The following LMNB1 variants were observed in gnomAD, a reference collection of about 807,000 sequenced individuals.
LMNB1 encodes lamin B1, also known as lamin-B1.
Under a neutral mutation model 67.1 loss-of-function variants are expected in LMNB1, and 23 were observed. The observed-to-expected ratio is 0.34, with a 90% CI of 0.25 to 0.49. The LOEUF (loss-of-function observed/expected upper bound fraction) is 0.49. LMNB1 is among the 20% of genes least tolerant of loss of function. The probability of loss-of-function intolerance (pLI) is 0.99; values close to 1 mark genes in which losing one functional copy is unlikely to be tolerated. For missense variants in LMNB1, 634 were observed against 746.5 expected (o/e 0.85, Z 1.76); for synonymous variants, 281 against 282.9 (o/e 0.99, Z 0.07).
rs752278106 is a variant in LMNB1 at position 126,821,141 on chromosome 5, A to G, written c.1386+6A>G. 1.3e-6 allele frequency: 2 copies of G among 1,578,560 alleles called. No homozygotes were observed. Among genetic ancestry groups the G allele is most frequent in the Middle Eastern group, 1.7e-4 (1 of 6,032 alleles). On this transcript the variant is annotated splice_donor_region_variant and intron_variant, in intron 7 of 10. Transcript: ENST00000261366. The stretch of plus-strand genomic sequence containing the variant: ...TGAAGAACACTTCTGAACAGGTAAT[A>G]AAATAGACCCTTTTTTTTCTAGCAA...
intron 1 of LMNB1, among the ~76,000 whole-genome samples, chr5:126,791,448 A>G (rs995640797): frequency 2.6e-5 from 4 of 151,922 alleles, no homozygotes; most frequent in African/African-American, 9.7e-5. Context: ...AATTTCTAAT[A>G]GCTTCTTTTT....
rs751580005 is a variant in LMNB1, at chr5:126,819,002, A to G, written c.1020A>G (p.Thr340=). 6.2e-7 allele frequency: 1 copy of G among 1,614,184 alleles called. No individual in the cohort carries two copies. The highest frequency in any genetic ancestry group is 8.5e-7 in the Non-Finnish European group (1 of 1,180,000). ...AAGACAACTCTCGTCGCATGCTGAC[A>G]GACAAAGAGAGAGAGATGGCGGAAA... ...KEKDNSRRML[T]DKEREMAEIR... is the part of the protein sequence containing the mutation. Residue 340 remains threonine (T), a synonymous_variant, in exon 6 of 11, where the codon ACA becomes ACG. Coordinates refer to ENST00000261366, the MANE Select transcript of LMNB1 (RefSeq NM_005573.4).
Position 126,829,830 on chromosome 5 carries a change from G to T in LMNB1, c.1612-2864G>T, listed in dbSNP as rs568117118. Among the ~76,000 whole-genome samples, 6 of 152,152 alleles carry T rather than the reference G, an allele frequency of 3.9e-5. No homozygotes were observed. In the East Asian group the frequency reaches 1.2e-3, roughly 30 times the overall value. ...ACAGCCACATTGCACTGGGCTCCTT[G>T]TGACACACGTGTGCTCCATGGGGGG... On this transcript the variant is annotated intron_variant, in intron 9 of 10. Transcript: ENST00000261366.
intron 8 of LMNB1, among the ~76,000 whole-genome samples, chr5:126,825,331 T>C (rs1439872439): frequency 1.3e-5 from 2 of 152,214 alleles, no homozygotes. Context: ...GCAATTATAT[T>C]TTCCCTTGAA....
chr5:126,790,795 G>A (rs533096705), intron 1 of LMNB1, among the ~76,000 whole-genome samples: 8 of 152,022 alleles, frequency 5.3e-5, no homozygotes, highest in South Asian at 4.1e-4. Flanking sequence ...TGTTTTGGCC[G>A]AGGTGGGTGG....
intron 5 of LMNB1, among the ~76,000 whole-genome samples, chr5:126,814,099 T>C (rs541355899): frequency 2.8e-4 from 43 of 152,200 alleles, no homozygotes; most frequent in Non-Finnish European, 3.2e-4. Context: ...TTCTCCATGT[T>C]GGTCAGGCCG....
chr5:126,818,439 G>A lies in LMNB1; in HGVS notation c.940-483G>A, dbSNP rs550786618. 3.2e-3 allele frequency among the ~76,000 whole-genome samples: 493 copies of A among 151,840 alleles called. 1 individual carries two copies. Among genetic ancestry groups the A allele is most frequent in the African/African-American group, 0.011 (468 of 41,446 alleles). The stretch of plus-strand genomic sequence containing the variant: ...GTATTTTTAGTAGAGACGGGGTTTC[G>A]CCATGTTAGTCAGGCTGGTCTCAAA... On this transcript the variant is annotated intron_variant, in intron 5 of 10. Coordinates refer to ENST00000261366, the MANE Select transcript of LMNB1 (RefSeq NM_005573.4).
At chr5:126,777,998 G>A in intron 1 of LMNB1, 131 bp downstream of exon 1, 3 of 807,284 alleles carry the variant, frequency 3.7e-6, no homozygotes, top group Non-Finnish European at 5.3e-6. Context: ...AAGGAACAGG[G>A]TCTCGGTCTC....
intron 3 of LMNB1, among the ~76,000 whole-genome samples, chr5:126,807,934 C>A (rs1751490596): frequency 6.6e-6 from 1 of 151,868 alleles, no homozygotes; most frequent in African/African-American, 2.4e-5. Context: ...TGCAGTAGTA[C>A]GATCTTGGCT....
intron 1 of LMNB1, among the ~76,000 whole-genome samples, chr5:126,785,656 T>A (rs771192257): frequency 6.6e-6 from 1 of 151,740 alleles, no homozygotes; most frequent in Non-Finnish European, 1.5e-5. Flanking sequence ...AAATGTATAT[T>A]CATTATAGAA....
intron 3 of LMNB1, among the ~76,000 whole-genome samples, chr5:126,808,183 A>G (rs1032773448): frequency 1.5e-5 from 2 of 136,272 alleles, no homozygotes; most frequent in Non-Finnish European, 3.2e-5. Context: ...TTTTTACTTT[A>G]AAAAAAATTT....
At chr5:126,814,679 C>T (rs1219761273) in intron 5 of LMNB1, among the ~76,000 whole-genome samples, 1 of 152,162 alleles carries the variant, frequency 6.6e-6, no homozygotes, top group Non-Finnish European at 1.5e-5. Context: ...GCTGGGATTA[C>T]AGGCACGCGC....
At chr5:126,832,317 CTTTT>C (rs1299266254) in intron 9 of LMNB1, among the ~76,000 whole-genome samples, 1 of 149,566 alleles carries the variant, frequency 6.7e-6, no homozygotes, top group South Asian at 2.1e-4. Context: ...AATGCTGTCT[CTTTT>C]TTTTTTCTTT....
chr5:126,809,776 T>A (rs1246395320), intron 3 of LMNB1, among the ~76,000 whole-genome samples: 1 of 152,250 alleles, frequency 6.6e-6, no homozygotes, highest in Non-Finnish European at 1.5e-5. Flanking sequence ...ACTTTCCATG[T>A]GCTGTTTTTT....
intron 1 of LMNB1, among the ~76,000 whole-genome samples, chr5:126,800,970 T>TATATAC (rs1751264256): frequency 1.2e-5 from 1 of 82,544 alleles, no homozygotes; most frequent in Non-Finnish European, 2.5e-5. Flanking sequence ...TATATATATA[T>TATATAC]ATATATATAT....
chr5:126,815,726 A>G (rs961235709), intron 5 of LMNB1, among the ~76,000 whole-genome samples: 5 of 152,220 alleles, frequency 3.3e-5, no homozygotes, highest in Admixed American at 2.0e-4. Flanking sequence ...GGTAGTTTCA[A>G]TGGCAGAATT....
At chr5:126,792,639 C>T (rs1280568168) in intron 1 of LMNB1, among the ~76,000 whole-genome samples, 5 of 134,676 alleles carry the variant, frequency 3.7e-5, no homozygotes, top group East Asian at 2.2e-4. Flanking sequence ...TGCAGTGGCG[C>T]GATCGCGGCT....
intron 1 of LMNB1, among the ~76,000 whole-genome samples, chr5:126,786,342 C>T (rs1295214598): frequency 6.6e-6 from 1 of 151,962 alleles, no homozygotes; most frequent in Non-Finnish European, 1.5e-5. Context: ...AGGATGGTCT[C>T]GATCTCCTGA....
intron 5 of LMNB1, 80 bp downstream of exon 5, chr5:126,811,978 A>G (rs1232917676): frequency 2.2e-6 from 3 of 1,373,716 alleles, no homozygotes; most frequent in Non-Finnish European, 3.1e-6. Flanking sequence ...GCTTGGGCTG[A>G]TGTCACTCCT....
Sources: allele counts gnomAD v4.1 joint callset (sites outside exome capture counted in the v4.1 genomes callset), GRCh38; gene constraint gnomAD v4.1.1; transcripts MANE v1.5; gene names NCBI Gene and HGNC (gene_info 2026-07-23, HGNC 2026-07-21).